FAM13B: variants seen among roughly 807,000 people sequenced by gnomAD.
The protein encoded by FAM13B is family with sequence similarity 13 member B.
FAM13B carries 60 observed loss-of-function variants against 117.3 expected under a neutral mutation model. That is an observed-to-expected ratio of 0.51 (90% CI 0.42 to 0.63). The LOEUF is 0.63. Among genes scored for constraint, FAM13B ranks in the 30% least tolerant of loss-of-function variants. FAM13B has a pLI of 0.00. For missense variants in FAM13B, 972 were observed against 1,091.9 expected (o/e 0.89, Z 1.55); for synonymous variants, 332 against 356.1 (o/e 0.93, Z 0.76).
chr5:138,007,257 T>G (rs1442245829), intron 6 of FAM13B, 110 bp from the exon 7 acceptor site: 2 of 863,716 alleles, frequency 2.3e-6, no homozygotes, highest in Non-Finnish European at 3.4e-6. Context: ...TTTTATTTCC[T>G]CATTTCCTAG....
chr5:137,962,373 A>G (rs1286687145), intron 11 of FAM13B, 32 bp downstream of exon 11: 4 of 1,598,702 alleles, frequency 2.5e-6, no homozygotes, highest in East Asian at 2.2e-5. Context: ...AATTCTCAAA[A>G]TGATTAATTA....
chr5:137,970,647 T>C (rs1417222269), intron 10 of FAM13B, among the ~76,000 whole-genome samples: 1 of 152,068 alleles, frequency 6.6e-6, no homozygotes, highest in East Asian at 1.9e-4. Flanking sequence ...AATGCTCCAA[T>C]TAAAGGGCAC....
chr5:138,006,562 T>C (rs1174700745), intron 7 of FAM13B, among the ~76,000 whole-genome samples: 2 of 152,220 alleles, frequency 1.3e-5, no homozygotes, highest in Non-Finnish European at 2.9e-5. Context: ...GTAAATATTA[T>C]CATTTTGTAC....
chr5:137,982,920 T>C (rs1435094084), intron 10 of FAM13B, among the ~76,000 whole-genome samples: 1 of 151,998 alleles, frequency 6.6e-6, no homozygotes, highest in African/African-American at 2.4e-5. Context: ...TTGGTAAAAA[T>C]ATACCAGTGG....
At chr5:137,982,173 G>A (rs897179096) in intron 10 of FAM13B, among the ~76,000 whole-genome samples, 2 of 152,204 alleles carry the variant, frequency 1.3e-5, no homozygotes, top group African/African-American at 4.8e-5. Context: ...AAGATGAGGA[G>A]ATTAATTAGG....
chr5:137,979,844 A>G (rs573513828), intron 10 of FAM13B, among the ~76,000 whole-genome samples: 1 of 152,220 alleles, frequency 6.6e-6, no homozygotes, highest in South Asian at 2.1e-4. Flanking sequence ...ATGTGCATGT[A>G]CAACCTAGAT....
intron 1 of FAM13B, among the ~76,000 whole-genome samples, chr5:138,027,707 G>A (rs1439128134): frequency 6.6e-6 from 1 of 152,244 alleles, no homozygotes. Context: ...ACTTTGATCA[G>A]TGATACGGTT....
intron 1 of FAM13B, among the ~76,000 whole-genome samples, chr5:138,022,062 G>C (rs1041989204): frequency 6.7e-6 from 1 of 150,082 alleles, no homozygotes; most frequent in African/African-American, 2.5e-5. Context: ...GCAATGGGTT[G>C]TGTTTGCACC....
At chr5:138,041,842 C>A (rs1268306713) in intron 1 of FAM13B, among the ~76,000 whole-genome samples, 1 of 151,076 alleles carries the variant, frequency 6.6e-6, no homozygotes, top group Non-Finnish European at 1.5e-5. Flanking sequence ...TTCAAGCCTG[C>A]AGTAAGCACC....
At chr5:137,948,349 T>C (rs1764002733) in intron 18 of FAM13B, among the ~76,000 whole-genome samples, 1 of 152,158 alleles carries the variant, frequency 6.6e-6, no homozygotes, top group Admixed American at 6.5e-5. Context: ...TACATACAGC[T>C]ATTAAGACAC....
intron 10 of FAM13B, among the ~76,000 whole-genome samples, chr5:137,984,464 A>G (rs1302165228): frequency 1.3e-5 from 2 of 152,192 alleles, no homozygotes; most frequent in African/African-American, 4.8e-5. Context: ...GTTTCAGGAC[A>G]TGATGGTATT....
intron 17 of FAM13B, among the ~76,000 whole-genome samples, chr5:137,951,845 C>T (rs1256123510): frequency 6.6e-6 from 1 of 151,702 alleles, no homozygotes; most frequent in Non-Finnish European, 1.5e-5. Flanking sequence ...GGCTTGGTGG[C>T]GTGCACCTGT....
upstream of FAM13B, among the ~76,000 whole-genome samples, chr5:138,035,285 A>T (rs1053899535): frequency 4.0e-5 from 6 of 151,796 alleles, no homozygotes; most frequent in African/African-American, 1.5e-4. Flanking sequence ...TGCTGTGATT[A>T]CAGGCGTGAG....
intron 3 of FAM13B, among the ~76,000 whole-genome samples, chr5:138,018,740 C>G (rs1394487043): frequency 6.6e-6 from 1 of 152,020 alleles, no homozygotes; most frequent in East Asian, 1.9e-4. Flanking sequence ...ATATTCCTAT[C>G]ACCCCCACTA....
intron 1 of FAM13B, among the ~76,000 whole-genome samples, chr5:138,049,024 C>T (rs1791721770): frequency 6.6e-6 from 1 of 151,514 alleles, no homozygotes; most frequent in Admixed American, 6.6e-5. Flanking sequence ...TCACTGCAAC[C>T]TCCTCCTCCC....
chr5:137,939,980 T>C lies in FAM13B; in HGVS notation c.*245A>G, dbSNP rs917605907. On this transcript the variant is annotated 3_prime_UTR_variant, in exon 24 of 24. Coordinates refer to ENST00000689681, the MANE Select transcript of FAM13B (RefSeq NM_001385994.1). ...GTATCTGTAGTACAAAACAATGAAG[T>C]AAACCATATGTTTGCTAAAGGTGGA... 1.5e-5 allele frequency: 23 copies of C among 1,548,188 alleles called. No homozygotes were observed. In the African/African-American group the frequency reaches 2.5e-4, roughly 17 times the overall value.
intron 12 of FAM13B, 53 bp downstream of exon 12, chr5:137,960,113 C>A: frequency 9.5e-7 from 1 of 1,055,240 alleles, no homozygotes; most frequent in Non-Finnish European, 1.4e-6. Flanking sequence ...CCAGACATAA[C>A]AGTTTAAACC....
At chr5:137,998,224 T>C (rs1780323936) in intron 7 of FAM13B, among the ~76,000 whole-genome samples, 1 of 152,214 alleles carries the variant, frequency 6.6e-6, no homozygotes, top group African/African-American at 2.4e-5. Context: ...ACAATGATGA[T>C]GCAAAATCAA....
intron 1 of FAM13B, among the ~76,000 whole-genome samples, chr5:138,044,052 G>A (rs908945658): frequency 8.6e-5 from 13 of 151,726 alleles, no homozygotes; most frequent in African/African-American, 4.8e-5. Flanking sequence ...CTATGTAGCT[G>A]GAACTATAGG....
Sources: allele counts gnomAD v4.1 joint callset (sites outside exome capture counted in the v4.1 genomes callset), GRCh38; gene constraint gnomAD v4.1.1; transcripts MANE v1.5; gene names NCBI Gene and HGNC (gene_info 2026-07-23, HGNC 2026-07-21).